The following PDE6C variants were observed in gnomAD, a reference collection of about 807,000 sequenced individuals.
PDE6C encodes cone cGMP-specific 3',5'-cyclic phosphodiesterase subunit alpha'.
A neutral mutation model predicts 113.1 loss-of-function variants in PDE6C; 75 were observed. The observed-to-expected ratio is 0.66, with a 90% CI of 0.55 to 0.80. The LOEUF (loss-of-function observed/expected upper bound fraction) is 0.80, where lower values mean the gene tolerates loss of function less well. Among genes scored for constraint, PDE6C ranks in the 30% least tolerant of loss-of-function variants. The pLI is 0.00. For synonymous variants in PDE6C, 375 were observed against 363.7 expected (o/e 1.03, Z -0.35); for missense variants, 912 against 1,038.6 (o/e 0.88, Z 1.67).
intron 8 of PDE6C, 77 bp downstream of exon 8, chr10:93,629,382 CCA>C (rs2058488682): frequency 9.6e-7 from 1 of 1,039,498 alleles, no homozygotes; most frequent in Non-Finnish European, 1.5e-6. Context: ...TCCTCCACCC[CCA>C]GAGTCCGCCT....
intron 15 of PDE6C, among the ~76,000 whole-genome samples, chr10:93,646,666 C>T (rs996076415): frequency 7.9e-5 from 12 of 151,984 alleles, no homozygotes; most frequent in South Asian, 4.2e-4. Flanking sequence ...AAGAGAGATG[C>T]GGGGGAGGTA....
intron 1 of PDE6C, among the ~76,000 whole-genome samples, chr10:93,618,762 T>C (rs1421497080): frequency 6.6e-6 from 1 of 152,198 alleles, no homozygotes; most frequent in Non-Finnish European, 1.5e-5. Flanking sequence ...GAGGCATATC[T>C]CAGGACTGCT....
chr10:93,640,762 G>T (rs761868477), intron 13 of PDE6C, among the ~76,000 whole-genome samples, 158 bp from the exon 14 acceptor site: 6 of 152,118 alleles, frequency 3.9e-5, no homozygotes, highest in Non-Finnish European at 8.8e-5. Context: ...TTAAAGGAAG[G>T]TTCAGTCTTC....
intron 15 of PDE6C, among the ~76,000 whole-genome samples, chr10:93,646,595 G>T (rs1329170548): frequency 6.6e-6 from 1 of 152,122 alleles, no homozygotes; most frequent in African/African-American, 2.4e-5. Flanking sequence ...GCCTCAAGGA[G>T]CCTACAATCA....
At position 93,621,984 on chromosome 10, in the gene PDE6C, G is replaced by A. The variant is rs1401473851; in HGVS notation, c.776G>A (p.Arg259Gln). ...TTTGAAGAACTCACAGATGTTGAGC[G>A]ACAGTTTCACAAAGCGCTCTACACG... Reference protein sequence around the residue: ...KVFEELTDVERQFHKALYTVR... With the variant: ...KVFEELTDVEQQFHKALYTVR... Residue 259 changes from arginine (R) to glutamine (Q), a missense_variant, in exon 4 of 22, where the codon CGA becomes CAA. Transcript: ENST00000371447. 9.9e-6 allele frequency: 16 copies of A among 1,613,278 alleles called. No individual in the cohort carries two copies. The highest frequency in any genetic ancestry group is 2.2e-5 in the East Asian group (1 of 44,828).
intron 11 of PDE6C, among the ~76,000 whole-genome samples, 180 bp from the exon 12 acceptor site, chr10:93,639,890 G>C (rs2058550641): frequency 6.6e-6 from 1 of 152,226 alleles, no homozygotes; most frequent in South Asian, 2.1e-4. Context: ...TAATCGTGTA[G>C]GCCTGCCGTT....
intron 11 of PDE6C, among the ~76,000 whole-genome samples, chr10:93,638,470 T>C (rs2058544361): frequency 6.6e-6 from 1 of 152,126 alleles, no homozygotes; most frequent in Non-Finnish European, 1.5e-5. Context: ...CCCTCAACAA[T>C]AGGCATCTTC....
chr10:93,620,623 C>T lies in PDE6C; in HGVS notation c.481-9C>T, dbSNP rs1235268041. The stretch of plus-strand genomic sequence containing the variant: ...GCCACTTTGACAAATATGTGACTGT[C>T]TCTTTCAGAACAGCCATTTTTCTGA... On this transcript the variant is annotated splice_polypyrimidine_tract_variant and intron_variant, in intron 1 of 21. Transcript: ENST00000371447. 18 of 1,613,814 alleles carry T rather than the reference C, an allele frequency of 1.1e-5. No homozygotes were observed. Among genetic ancestry groups the T allele is most frequent in the African/African-American group, 1.3e-5 (1 of 74,902 alleles).
chr10:93,661,886 T>A (rs1390130837), intron 18 of PDE6C, among the ~76,000 whole-genome samples, 173 bp from the exon 19 acceptor site: 2 of 152,204 alleles, frequency 1.3e-5, no homozygotes, highest in Non-Finnish European at 1.5e-5. Context: ...AGCTCCCCTT[T>A]CGCATTTCAA....
At chr10:93,655,597 A>ACTAAAAG (rs551296944) in intron 15 of PDE6C, among the ~76,000 whole-genome samples, 163 bp from the exon 16 acceptor site, 87 of 146,118 alleles carry the variant, frequency 6.0e-4, no homozygotes, top group Non-Finnish European at 1.2e-3. Flanking sequence ...TGAGATAAAA[A>ACTAAAAG]CTAAAAGCAA....
At chr10:93,639,677 A>C (rs2058549686) in intron 11 of PDE6C, among the ~76,000 whole-genome samples, 1 of 152,254 alleles carries the variant, frequency 6.6e-6, no homozygotes, top group African/African-American at 2.4e-5. Flanking sequence ...AATTGAATTA[A>C]GCAGTCGTTT....
At chr10:93,625,715 C>A in intron 5 of PDE6C, 66 bp downstream of exon 5, 2 of 1,083,654 alleles carry the variant, frequency 1.8e-6, no homozygotes, top group Non-Finnish European at 2.8e-6. Context: ...TAAGAGGCCA[C>A]AGTGCATAGA....
intron 14 of PDE6C, among the ~76,000 whole-genome samples, chr10:93,641,635 C>T (rs2058560488): frequency 6.6e-6 from 1 of 152,070 alleles, no homozygotes; most frequent in African/African-American, 2.4e-5. Flanking sequence ...CAAAGAGAGA[C>T]TCTGTCTCGA....
intron 15 of PDE6C, among the ~76,000 whole-genome samples, chr10:93,651,784 G>C (rs770525413): frequency 1.1e-4 from 17 of 152,126 alleles, no homozygotes; most frequent in Non-Finnish European, 2.1e-4. Flanking sequence ...CAATGTCTTT[G>C]GTCTAGGAGA....
chr10:93,662,183 G>A, intron 19 of PDE6C, 50 bp downstream of exon 19: 1 of 1,217,824 alleles, frequency 8.2e-7, no homozygotes, highest in Non-Finnish European at 1.2e-6. Flanking sequence ...TATCAGGACA[G>A]GCCGGGCGCG....
At chr10:93,658,169 C>CAAAAAAAAAA (rs71031527) in intron 16 of PDE6C, among the ~76,000 whole-genome samples, 10 of 59,874 alleles carry the variant, frequency 1.7e-4, no homozygotes, top group African/African-American at 4.4e-4. Context: ...GATTCTGTCT[C>CAAAAAAAAAA]AAAAAAAAAA....
chr10:93,650,133 A>G (rs1053583129), intron 15 of PDE6C, among the ~76,000 whole-genome samples: 4 of 152,248 alleles, frequency 2.6e-5, no homozygotes, highest in Admixed American at 2.6e-4. Context: ...ATATAAGTGC[A>G]ATCACACAAT....
At position 93,629,266 on chromosome 10, in the gene PDE6C, C is replaced by A; in HGVS notation, c.1080C>A (p.Asn360Lys). 6.2e-7 allele frequency: 1 copy of A among 1,611,094 alleles called. No individual in the cohort carries two copies. Among genetic ancestry groups the A allele is most frequent in the Non-Finnish European group, 8.5e-7 (1 of 1,177,204 alleles). ...TYVAENGFIC[N>K]MMNAPADEYF... ...CTCCTCTTGCCTTCCAGATCTGTAACATGATGAATGCCCCTGCGGATGAAT... is the reference window on the plus strand; with the variant it reads ...CTCCTCTTGCCTTCCAGATCTGTAAAATGATGAATGCCCCTGCGGATGAAT... The change falls in exon 8 of 22, where the codon AAC (asparagine) becomes AAA (lysine). Residue 360 changes from asparagine (N) to lysine (K), a missense_variant. Physicochemically the swap from Asn to Lys is moderately conservative, Grantham distance 94 (BLOSUM62 0). Transcript: ENST00000371447.
In PDE6C at chr10:93,629,550, G is replaced by T. The variant is rs186176776; in HGVS notation, c.1119+245G>T. 2.6e-3 allele frequency among the ~76,000 whole-genome samples: 398 copies of T among 152,278 alleles called. 2 individuals are homozygous for T. The highest frequency in any genetic ancestry group is 7.3e-3 in the Admixed American group (112 of 15,294). ...ACTCCTCCATTTGCTCACACTCCTG[G>T]TCATTTACGGCAGTGGTCCCCAACC... On this transcript the variant is annotated intron_variant, in intron 8 of 21. Transcript: ENST00000371447.
Sources: gnomAD v4.1 joint callset for allele counts (sites outside exome capture counted in the v4.1 genomes callset) on GRCh38, gnomAD v4.1.1 for gene constraint, MANE v1.5 for transcripts, NCBI Gene and HGNC (gene_info 2026-07-23, HGNC 2026-07-21) for gene names.